The following OSBPL3 variants were observed in gnomAD, a reference collection of about 807,000 sequenced individuals.
OSBPL3 encodes the protein oxysterol-binding protein-related protein 3.
Under a neutral mutation model 120.1 loss-of-function variants are expected in OSBPL3, and 65 were observed. The observed-to-expected ratio is 0.54, with a 90% confidence interval of 0.44 to 0.67. The LOEUF (loss-of-function observed/expected upper bound fraction) is 0.67. Among genes scored for constraint, OSBPL3 ranks in the 30% least tolerant of loss-of-function variants. The pLI is 0.00. For missense variants in OSBPL3, 1,004 were observed against 1,082.1 expected (o/e 0.93, Z 1.01); for synonymous variants, 416 against 402.6 (o/e 1.03, Z -0.40).
At chr7:24,845,358 TG>T (rs1425822616) in intron 12 of OSBPL3, among the ~76,000 whole-genome samples, 1 of 130,612 alleles carries the variant, frequency 7.7e-6, no homozygotes, top group Non-Finnish European at 1.5e-5. Context: ...TACTTTCCTG[TG>T]AATTTACAAA....
At chr7:24,974,938 A>C (rs1817418850) in intron 1 of OSBPL3, among the ~76,000 whole-genome samples, 1 of 152,218 alleles carries the variant, frequency 6.6e-6, no homozygotes, top group Non-Finnish European at 1.5e-5. Flanking sequence ...CACAACTCTG[A>C]ATATACTAAA....
rs1481262036 is a variant in OSBPL3 at position 24,804,409 on chromosome 7, C to T, written c.2473G>A (p.Ala825Thr). The T allele has an allele frequency of 6.2e-7, 1 of 1,613,908 alleles. No homozygotes were observed. The highest frequency in any genetic ancestry group is 1.1e-5 in the South Asian group (1 of 91,068). ...RFLEEGNLEE[A>T]EIQKQRIEQL... ...TCAATCCTCTGCTTTTGTATTTCAG[C>T]TTCTTCTAAGTTCCCTTCCTCTAGA... The change falls in exon 22 of 23, where the codon GCT (alanine) becomes ACT (threonine). Residue 825 changes from alanine (A) to threonine (T), a missense_variant. Physicochemically the swap from Ala to Thr is moderately conservative, Grantham distance 58. Around this residue, in one of 4 missense-constraint regions of OSBPL3, gnomAD observed 473 missense variants for 568.0 expected, o/e 0.83. Coordinates refer to ENST00000313367, the MANE Select transcript of OSBPL3 (RefSeq NM_015550.4). The surrounding 1 kb of genome is among the most constrained non-coding windows in gnomAD (Gnocchi z 5.4).
In OSBPL3 at chr7:24,834,170, T is replaced by A; in HGVS notation, c.1746+316A>T. 1 of 1,072,058 alleles carries A rather than the reference T, an allele frequency of 9.3e-7. No individual in the cohort carries two copies. Among genetic ancestry groups the A allele is most frequent in the Non-Finnish European group, 1.1e-6 (1 of 877,550 alleles). 66.4% of individuals were successfully genotyped at this position (1,072,058 alleles called of 1,614,324 possible). ...AAACATGCAGACAGCCCTAAAGACA[T>A]GTTTTCCAGCCGGGCACATCGGAAC... On this transcript the variant is annotated intron_variant, in intron 15 of 22. Coordinates refer to ENST00000313367, the MANE Select transcript of OSBPL3 (RefSeq NM_015550.4). This position sits in a 1 kb window ranked among gnomAD's most constrained non-coding sequence, Gnocchi z 5.2.
At chr7:24,929,601 C>T (rs1218368710) in intron 1 of OSBPL3, among the ~76,000 whole-genome samples, 2 of 147,682 alleles carry the variant, frequency 1.4e-5, no homozygotes, top group East Asian at 2.1e-4. Context: ...CCAAATACCA[C>T]ACTTTTTTTT....
intron 2 of OSBPL3, among the ~76,000 whole-genome samples, chr7:24,885,057 G>GTGGA (rs985501751): frequency 9.2e-5 from 14 of 151,800 alleles, no homozygotes; most frequent in Admixed American, 5.9e-4. Context: ...GCCGAAGGGG[G>GTGGA]TGGATCACCT....
rs1806115748 is a variant in OSBPL3, at chr7:24,896,225, A to G, written c.-149-3604T>C. Among the ~76,000 whole-genome samples the G allele has an allele frequency of 6.6e-6, 1 of 152,226 alleles. No homozygotes were observed. The highest frequency in any genetic ancestry group is 2.1e-4 in the South Asian group (1 of 4,826). On this transcript the variant is annotated intron_variant, in intron 1 of 22. Transcript: ENST00000313367. The surrounding 1 kb of genome is among the most constrained non-coding windows in gnomAD (Gnocchi z 4.4). ...GGTGAGGTTGAGGAGGAGAGAACTT[A>G]TGGCCCTTTCCTTCCTCTAAATCAC...
intron 2 of OSBPL3, among the ~76,000 whole-genome samples, chr7:24,875,294 A>G (rs1802691344): frequency 6.6e-6 from 1 of 152,222 alleles, no homozygotes; most frequent in Non-Finnish European, 1.5e-5. Flanking sequence ...CTACTATTTT[A>G]GAGAACGATA....
intron 1 of OSBPL3, among the ~76,000 whole-genome samples, chr7:24,975,636 T>C (rs922214771): frequency 2.0e-5 from 3 of 152,154 alleles, no homozygotes; most frequent in Non-Finnish European, 2.9e-5. Context: ...ATTTAAAATC[T>C]AGTAAGGGAG....
intron 10 of OSBPL3, among the ~76,000 whole-genome samples, chr7:24,858,087 A>G (rs1163170497): frequency 6.6e-6 from 1 of 152,206 alleles, no homozygotes; most frequent in Non-Finnish European, 1.5e-5. Context: ...TAAGCCAACA[A>G]CTGGTTCAAC....
At chr7:24,809,342 C>T (rs936484463) in intron 20 of OSBPL3, among the ~76,000 whole-genome samples, 1 of 152,122 alleles carries the variant, frequency 6.6e-6, no homozygotes, top group Non-Finnish European at 1.5e-5. Context: ...AGCTCAGCAC[C>T]CTTCTGGAAT....
rs59525014 is a variant in OSBPL3, at chr7:24,917,401, CATATATAT to C, written c.-149-24788_-149-24781del. Among the ~76,000 whole-genome samples the C allele has an allele frequency of 1.6e-3, 165 of 100,060 alleles. 2 individuals carry two copies. Among genetic ancestry groups the C allele is most frequent in the Admixed American group, 2.0e-3 (19 of 9,346 alleles). The allele number at this position is 100,060 out of a possible 152,430, so 65.6% of individuals were successfully genotyped here. A position where few individuals can be genotyped will look rare whatever the true frequency, so the allele number is the denominator to read the frequency against. On this transcript the variant is annotated intron_variant, in intron 1 of 22. Coordinates refer to ENST00000313367, the MANE Select transcript of OSBPL3 (RefSeq NM_015550.4). ...TTGTAACATATATATATATTTGTAA[CATATATAT>C]ATATATATATATATATATTTGTAAC...
rs976155928 is a variant in OSBPL3, at chr7:24,830,962, C to T, written c.1747-57G>A. On this transcript the variant is annotated intron_variant, in intron 15 of 22. Coordinates refer to ENST00000313367, the MANE Select transcript of OSBPL3 (RefSeq NM_015550.4). This position sits in a 1 kb window ranked among gnomAD's most constrained non-coding sequence, Gnocchi z 4.4. ...CCGTGTCACCAAGAGCTTTATTGTT[C>T]ACAAAGAACTAAACAAAATAAAACC... 4 of 1,479,676 alleles carry T rather than the reference C, an allele frequency of 2.7e-6. No homozygotes were observed. Among genetic ancestry groups the T allele is most frequent in the Non-Finnish European group, 3.6e-6 (4 of 1,107,774 alleles). The allele number at this position is 1,479,676 out of a possible 1,614,324, so 91.7% of individuals were successfully genotyped here.
intron 20 of OSBPL3, among the ~76,000 whole-genome samples, chr7:24,809,289 A>G (rs1335933599): frequency 6.6e-6 from 1 of 152,156 alleles, no homozygotes; most frequent in African/African-American, 2.4e-5. Context: ...CATGCTGATG[A>G]AAGCTGGGGT....
chr7:24,824,759 A>C lies in OSBPL3; in HGVS notation c.1885-4521T>G, dbSNP rs576459489. ...TAATTTGTCAGTAGAAATTGTGTTA[A>C]GGAAAATAAAGCAGGGCATGAGGAT... On this transcript the variant is annotated intron_variant, in intron 16 of 22. Coordinates refer to ENST00000313367, the MANE Select transcript of OSBPL3 (RefSeq NM_015550.4). The surrounding 1 kb of genome is among the most constrained non-coding windows in gnomAD (Gnocchi z 4.9). Among the ~76,000 whole-genome samples, 68 of 152,338 alleles carry C rather than the reference A, an allele frequency of 4.5e-4. No homozygotes were observed. Among genetic ancestry groups the C allele is most frequent in the Non-Finnish European group, 8.5e-4 (58 of 68,026 alleles).
At chr7:24,842,723 A>T (rs73087718) in intron 12 of OSBPL3, among the ~76,000 whole-genome samples, 2 of 152,210 alleles carry the variant, frequency 1.3e-5, no homozygotes, top group South Asian at 4.1e-4. Flanking sequence ...TCTCTGAATC[A>T]TATCCTCTTA....
At chr7:24,838,052 G>A (rs1001632906) in intron 14 of OSBPL3, among the ~76,000 whole-genome samples, 1 of 152,198 alleles carries the variant, frequency 6.6e-6, no homozygotes, top group African/African-American at 2.4e-5. Flanking sequence ...GGTTATTTCT[G>A]TATCCAATCT....
At chr7:24,908,854 A>G (rs1161853736) in intron 1 of OSBPL3, among the ~76,000 whole-genome samples, 1 of 152,174 alleles carries the variant, frequency 6.6e-6, no homozygotes, top group Non-Finnish European at 1.5e-5. Flanking sequence ...ATTTCAGTTC[A>G]ACTCTCTTAA....
rs1816589047 is a variant in OSBPL3 at position 24,968,069 on chromosome 7, C to T, written c.-150+11817G>A. The stretch of plus-strand genomic sequence containing the variant: ...TAATACATTTACTTGGAATAATATT[C>T]AAAAGGTATAATTTCAACTTCACAC... On this transcript the variant is annotated intron_variant, in intron 1 of 22. Transcript: ENST00000313367. The surrounding 1 kb of genome is among the most constrained non-coding windows in gnomAD (Gnocchi z 4.6). Among the ~76,000 whole-genome samples the T allele has an allele frequency of 6.6e-6, 1 of 152,158 alleles. No homozygotes were observed. Among genetic ancestry groups the T allele is most frequent in the Admixed American group, 6.5e-5 (1 of 15,276 alleles).
chr7:24,859,318 C>G (rs10250060), intron 10 of OSBPL3, among the ~76,000 whole-genome samples: 3,217 of 151,840 alleles, frequency 0.021, 121 homozygotes, highest in African/African-American at 0.074. Flanking sequence ...ATTTTAAATC[C>G]ATTTTCTCTT....
Sources: allele counts gnomAD v4.1 joint callset (sites outside exome capture counted in the v4.1 genomes callset), GRCh38; gene constraint gnomAD v4.1.1; regional missense constraint gnomAD v4.1.1; non-coding constraint Gnocchi (gnomAD v3.1); transcripts MANE v1.5; gene names NCBI Gene and HGNC (gene_info 2026-07-23, HGNC 2026-07-21).